MPDZ: variants seen among roughly 807,000 people sequenced by gnomAD.
The protein encoded by MPDZ is multiple PDZ domain protein.
Under a neutral mutation model 239.1 loss-of-function variants are expected in MPDZ, and 234 were observed. That is an observed-to-expected ratio of 0.98 (90% confidence interval 0.88 to 1.09). The LOEUF (loss-of-function observed/expected upper bound fraction) is 1.09, where lower values mean the gene tolerates loss of function less well. Ranked by LOEUF, MPDZ falls within the 50% of genes least tolerant of loss-of-function variation. The probability of loss-of-function intolerance (pLI) is 0.00; values close to 1 mark genes in which losing one functional copy is unlikely to be tolerated. For missense variants in MPDZ, 3,175 were observed against 2,510.0 expected (o/e 1.26, Z -5.66); for synonymous variants, 1,048 against 881.3 (o/e 1.19, Z -3.35).
intron 1 of MPDZ, among the ~76,000 whole-genome samples, chr9:13,262,084 G>A (rs1261178424): frequency 6.6e-6 from 1 of 151,742 alleles, no homozygotes; most frequent in Non-Finnish European, 1.5e-5. Context: ...AAAGGAATGT[G>A]AGCTCTGACA....
chr9:13,230,660 G>A (rs1288362004), intron 3 of MPDZ, among the ~76,000 whole-genome samples: 3 of 152,126 alleles, frequency 2.0e-5, no homozygotes, highest in Non-Finnish European at 2.9e-5. Context: ...ATAGAATAAG[G>A]GAGATATTTG....
chr9:13,212,058 G>A (rs1957682155), intron 10 of MPDZ, among the ~76,000 whole-genome samples: 1 of 152,002 alleles, frequency 6.6e-6, no homozygotes. Context: ...ACTTTAGGCT[G>A]TTTTTTATCT....
chr9:13,159,384 G>T (rs551576508), intron 23 of MPDZ, among the ~76,000 whole-genome samples: 1 of 152,138 alleles, frequency 6.6e-6, no homozygotes, highest in South Asian at 2.1e-4. Context: ...TAGAGTCTAA[G>T]TCTGACACTA....
intron 30 of MPDZ, 75 bp from the exon 31 acceptor site, chr9:13,136,257 G>A: frequency 1.1e-6 from 1 of 894,504 alleles, no homozygotes; most frequent in Admixed American, 2.9e-5. Context: ...GAGTCAGAAG[G>A]TTATTAGAGA....
chr9:13,259,674 G>T (rs910923774), intron 1 of MPDZ, among the ~76,000 whole-genome samples: 6 of 152,094 alleles, frequency 3.9e-5, no homozygotes, highest in Admixed American at 2.0e-4. Flanking sequence ...CCACATAAAT[G>T]CAAGAGTGCA....
rs534588344 is a variant in MPDZ, at chr9:13,246,050, C to G, written c.183+1585G>C. Among the ~76,000 whole-genome samples the G allele has an allele frequency of 4.4e-3, 22 of 5,018 alleles. No homozygotes were observed. The Non-Finnish European group carries it at 0.16, about 35-fold the overall frequency. The allele number at this position is 5,018 out of a possible 152,430, so 3.3% of individuals were successfully genotyped here. ...AGAATAGAAGATATCTGTTCAACTTCTTTACACTCTGAAAAAGCAGATAAT... is the reference window on the plus strand; with the variant it reads ...AGAATAGAAGATATCTGTTCAACTTGTTTACACTCTGAAAAAGCAGATAAT... On this transcript the variant is annotated intron_variant, in intron 3 of 46. Transcript: ENST00000319217.
intron 1 of MPDZ, among the ~76,000 whole-genome samples, chr9:13,254,197 C>A (rs955976029): frequency 3.9e-5 from 6 of 152,122 alleles, no homozygotes; most frequent in African/African-American, 1.4e-4. Context: ...GTCAAATTAG[C>A]CAACTGTTCA....
intron 1 of MPDZ, among the ~76,000 whole-genome samples, chr9:13,276,128 G>C (rs936329492): frequency 1.3e-5 from 2 of 152,134 alleles, no homozygotes; most frequent in Admixed American, 6.5e-5. Flanking sequence ...TTCTGGAGCA[G>C]AATCATGTTT....
At chr9:13,262,571 A>G (rs944556351) in intron 1 of MPDZ, among the ~76,000 whole-genome samples, 4 of 152,114 alleles carry the variant, frequency 2.6e-5, no homozygotes, top group African/African-American at 9.7e-5. Context: ...ATGTACCACT[A>G]AAAAAACAGA....
chr9:13,219,593 A>C lies in MPDZ; in HGVS notation c.1052T>G (p.Leu351Arg). 1 of 1,612,224 alleles carries C rather than the reference A, an allele frequency of 6.2e-7. No homozygotes were observed. The highest frequency in any genetic ancestry group is 8.5e-7 in the Non-Finnish European group (1 of 1,178,988). Residue 351 changes from leucine to arginine, a missense_variant, in exon 8 of 47, where the codon CTC (leucine) becomes CGC (arginine). Transcript: ENST00000319217. ...RTAPTALGIT[L>R]SSSPTSTPEL... is the part of the protein sequence containing the mutation. ...TGGTGTTGAAGTTGGGGATGAGGAG[A>C]GGGTGATGCCCAAAGCAGTGGGTGC... is the stretch of plus-strand genomic sequence containing the variant.
chr9:13,271,248 G>T (rs1032467208), intron 1 of MPDZ, among the ~76,000 whole-genome samples: 3 of 152,056 alleles, frequency 2.0e-5, no homozygotes, highest in African/African-American at 2.4e-5. Context: ...TTATCAAAAT[G>T]GGGCATGAAT....
rs967608850 is a variant in MPDZ, at chr9:13,106,132, G to A, written c.*833C>T. On this transcript the variant is annotated 3_prime_UTR_variant, in exon 47 of 47. Coordinates refer to ENST00000319217, the MANE Select transcript of MPDZ (RefSeq NM_001378778.1). ...AATGTTGCATCGGTTGTTAAAACCA[G>A]CACTAAAGATTCTGGAACCCTTCTA... is the stretch of plus-strand genomic sequence containing the variant. 14 of 152,122 alleles carry A rather than the reference G, an allele frequency of 9.2e-5. No homozygotes were observed. The highest frequency in any genetic ancestry group is 3.4e-4 in the African/African-American group (14 of 41,422). The allele number at this position is 152,122 out of a possible 1,614,324, so 9.4% of individuals were successfully genotyped here. A position where few individuals can be genotyped will look rare whatever the true frequency, so the allele number is the denominator to read the frequency against.
Position 13,117,480 on chromosome 9 carries a change from G to A in MPDZ, c.5379+2022C>T, listed in dbSNP as rs185694170. On this transcript the variant is annotated intron_variant, in intron 39 of 46. Coordinates refer to ENST00000319217, the MANE Select transcript of MPDZ (RefSeq NM_001378778.1). Reference sequence around the variant, plus strand: ...CGGGAGGCGGAGCTTGCAGTGAGCCGAGATCACACCACTGCACTCCAGCCT... The same window carrying A: ...CGGGAGGCGGAGCTTGCAGTGAGCCAAGATCACACCACTGCACTCCAGCCT... 8.1e-4 allele frequency among the ~76,000 whole-genome samples: 121 copies of A among 149,118 alleles called. No homozygotes were observed. The Middle Eastern group carries it at 0.034, about 42-fold the overall frequency.
At chr9:13,163,435 C>A (rs564664116) in intron 22 of MPDZ, among the ~76,000 whole-genome samples, 3 of 152,262 alleles carry the variant, frequency 2.0e-5, no homozygotes, top group Admixed American at 6.5e-5. Context: ...ACTATTTACA[C>A]GTGAATGGCC....
At position 13,106,857 on chromosome 9, in the gene MPDZ, G is replaced by C. The variant is rs1941537290; in HGVS notation, c.*108C>G. On this transcript the variant is annotated 3_prime_UTR_variant, in exon 47 of 47. Coordinates refer to ENST00000319217, the MANE Select transcript of MPDZ (RefSeq NM_001378778.1). ...ACTTAAGTGTTATTTCCCCCCTACA[G>C]TTTTGAAGACCCGGCTGAACACAGC... The C allele has an allele frequency of 2.3e-6, 3 of 1,277,304 alleles. No individual in the cohort carries two copies. The highest frequency in any genetic ancestry group is 2.9e-5 in the African/African-American group (2 of 68,436). The allele number at this position is 1,277,304 out of a possible 1,614,324, so 79.1% of individuals were successfully genotyped here. A position where few individuals can be genotyped will look rare whatever the true frequency, so the allele number is the denominator to read the frequency against.
At chr9:13,238,153 A>G (rs1433779785) in intron 3 of MPDZ, among the ~76,000 whole-genome samples, 3 of 152,210 alleles carry the variant, frequency 2.0e-5, no homozygotes, top group Non-Finnish European at 4.4e-5. Context: ...GCAGACATAA[A>G]CAACCAAGCT....
intron 19 of MPDZ, among the ~76,000 whole-genome samples, chr9:13,177,042 C>G (rs1283009393): frequency 1.3e-5 from 2 of 152,140 alleles, no homozygotes; most frequent in Non-Finnish European, 2.9e-5. Flanking sequence ...TAAATCCAGG[C>G]TCTGTTATTA....
At chr9:13,234,685 A>C (rs1221608076) in intron 3 of MPDZ, among the ~76,000 whole-genome samples, 1 of 152,168 alleles carries the variant, frequency 6.6e-6, no homozygotes, top group East Asian at 1.9e-4. Context: ...AAACTGTTTA[A>C]ACTGACATAC....
chr9:13,248,400 G>A (rs1255403936), intron 2 of MPDZ, among the ~76,000 whole-genome samples: 1 of 151,992 alleles, frequency 6.6e-6, no homozygotes, highest in Non-Finnish European at 1.5e-5. Flanking sequence ...ATTGAACACT[G>A]TACAAATCAG....
Sources: allele counts gnomAD v4.1 joint callset (sites outside exome capture counted in the v4.1 genomes callset), GRCh38; gene constraint gnomAD v4.1.1; transcripts MANE v1.5; gene names NCBI Gene and HGNC (gene_info 2026-07-23, HGNC 2026-07-21).